The following SEC61B variants were observed in gnomAD, a reference collection of about 807,000 sequenced individuals.
SEC61B encodes the protein SEC61 translocon subunit beta.
In SEC61B, 7 loss-of-function variants were observed where a neutral mutation model predicts 12.6. The ratio of observed to expected loss-of-function variants is 0.55; its 90% CI spans 0.32 to 1.04. SEC61B has a LOEUF of 1.04. Among genes scored for constraint, SEC61B ranks in the 50% least tolerant of loss-of-function variants. The pLI is 0.05. For synonymous variants in SEC61B, 54 were observed against 50.1 expected (o/e 1.08, Z -0.33); for missense variants, 107 against 130.1 (o/e 0.82, Z 0.86).
intron 1 of SEC61B, 55 bp from the exon 2 acceptor site, chr9:99,222,491 G>C: frequency 6.9e-6 from 11 of 1,604,028 alleles, no homozygotes; most frequent in Non-Finnish European, 1.7e-6. Context: ...CTAGGCCGGG[G>C]TTCTGGGGCA....
intron 2 of SEC61B, 183 bp downstream of exon 2, chr9:99,222,826 C>T (rs937553071): frequency 1.9e-6 from 1 of 522,668 alleles, no homozygotes; most frequent in African/African-American, 2.0e-5. Context: ...TCTCGTTGCT[C>T]AGTTTAGGGC....
chr9:99,223,652 A>G (rs1018560285), intron 2 of SEC61B, among the ~76,000 whole-genome samples: 16 of 152,292 alleles, frequency 1.1e-4, no homozygotes, highest in African/African-American at 3.4e-4. Context: ...TCTGCCTCCA[A>G]AAGTGCTGGA....
intron 2 of SEC61B, among the ~76,000 whole-genome samples, chr9:99,223,837 G>A (rs1051549910): frequency 2.0e-5 from 3 of 152,074 alleles, no homozygotes; most frequent in East Asian, 3.8e-4. Flanking sequence ...TCCTCTTGAG[G>A]CCTTCTCTGT....
chr9:99,226,879 T>C lies in SEC61B; in HGVS notation c.102-1020T>C, dbSNP rs566553880. On this transcript the variant is annotated intron_variant, in intron 2 of 3. Coordinates refer to ENST00000223641, the MANE Select transcript of SEC61B (RefSeq NM_006808.3). Reference sequence around the variant, plus strand: ...GTGTATCTTACAAGCCTTGATCCCCTTGTGAGAGACACAAGGGGTGTTTTG... The same window carrying C: ...GTGTATCTTACAAGCCTTGATCCCCCTGTGAGAGACACAAGGGGTGTTTTG... 2.7e-4 allele frequency among the ~76,000 whole-genome samples: 41 copies of C among 152,280 alleles called. No individual in the cohort carries two copies. In the South Asian group the frequency reaches 8.5e-3, roughly 32 times the overall value.
intron 2 of SEC61B, among the ~76,000 whole-genome samples, chr9:99,224,945 C>G (rs1828877790): frequency 6.6e-6 from 1 of 152,144 alleles, no homozygotes; most frequent in Non-Finnish European, 1.5e-5. Context: ...TAAATTTAAG[C>G]TCAGGCCAGA....
intron 1 of SEC61B, 69 bp from the exon 2 acceptor site, chr9:99,222,477 G>C: frequency 6.2e-7 from 1 of 1,602,874 alleles, no homozygotes. Flanking sequence ...TCGGGTGTGG[G>C]TGTCTAGGCC....
chr9:99,222,488 G>T, intron 1 of SEC61B, 58 bp from the exon 2 acceptor site: 1 of 1,602,346 alleles, frequency 6.2e-7, no homozygotes, highest in Non-Finnish European at 8.5e-7. Context: ...TGTCTAGGCC[G>T]GGGTTCTGGG....
chr9:99,226,846 A>G (rs1006253436), intron 2 of SEC61B, among the ~76,000 whole-genome samples: 2 of 152,146 alleles, frequency 1.3e-5, no homozygotes, highest in African/African-American at 4.8e-5. Flanking sequence ...GGCTGCGTGT[A>G]TTACATAGTG....
chr9:99,222,580 C>T lies in SEC61B; in HGVS notation c.38C>T (p.Ser13Phe), dbSNP rs1420147925. 3.2e-6 allele frequency: 5 copies of T among 1,563,856 alleles called. No individual in the cohort carries two copies. Among genetic ancestry groups the T allele is most frequent in the African/African-American group, 1.4e-5 (1 of 73,552 alleles). The part of the protein sequence containing the change: ...GPTPSGTNVG[S>F]SGRSPSKAVA... The stretch of plus-strand genomic sequence containing the variant: ...ACCCCCAGTGGCACTAACGTGGGAT[C>T]CTCAGGGCGCTCTCCCAGCAAAGCA... Residue 13 changes from serine to phenylalanine, a missense_variant, in exon 2 of 4, where the codon TCC becomes TTC. By Grantham distance (155) the Ser-to-Phe change is radical (BLOSUM62 -2). Coordinates refer to ENST00000223641, the MANE Select transcript of SEC61B (RefSeq NM_006808.3).
At chr9:99,226,480 A>T (rs1828897306) in intron 2 of SEC61B, among the ~76,000 whole-genome samples, 1 of 152,182 alleles carries the variant, frequency 6.6e-6, no homozygotes, top group Admixed American at 6.5e-5. Context: ...ATCAGCCCAC[A>T]GATACTGGAA....
rs1828842486 is a variant in SEC61B at position 99,222,628 on chromosome 9, C to T, written c.86C>T (p.Ser29Phe). ...GCAGTGGCCGCCCGGGCGGCGGGAT[C>T]CACTGTCCGGCAGAGGTAAGGAACC... ...SKAVAARAAG[S>F]TVRQRKNASC... The change falls in exon 2 of 4, where the codon TCC becomes TTC. Residue 29 changes from serine to phenylalanine, a missense_variant. Physicochemically the swap from Ser to Phe is radical, Grantham distance 155 (BLOSUM62 -2). Coordinates refer to ENST00000223641, the MANE Select transcript of SEC61B (RefSeq NM_006808.3). 1.9e-6 allele frequency: 3 copies of T among 1,547,796 alleles called. No individual in the cohort carries two copies. Among genetic ancestry groups the T allele is most frequent in the South Asian group, 2.4e-5 (2 of 83,990 alleles).
rs180968909 is a variant in SEC61B, at chr9:99,224,584, T to C, written c.101+1941T>C. Among the ~76,000 whole-genome samples the C allele has an allele frequency of 3.3e-5, 5 of 152,254 alleles. No individual in the cohort carries two copies. In the East Asian group the frequency reaches 9.6e-4, roughly 29 times the overall value. On this transcript the variant is annotated intron_variant, in intron 2 of 3. Coordinates refer to ENST00000223641, the MANE Select transcript of SEC61B (RefSeq NM_006808.3). ...AAAAATGAAATAACTGATGCACAAGTGAAATGGAGAACTGAAACATTTGAA... is the reference window on the plus strand; with the variant it reads ...AAAAATGAAATAACTGATGCACAAGCGAAATGGAGAACTGAAACATTTGAA...
chr9:99,222,407 C>T (rs1828836474), intron 1 of SEC61B, 41 bp downstream of exon 1: 1 of 1,613,860 alleles, frequency 6.2e-7, no homozygotes, highest in Non-Finnish European at 8.5e-7. Context: ...TCCCAGAAGC[C>T]CTGACTCCTC....
In SEC61B at chr9:99,227,913, G is replaced by C; in HGVS notation, c.116G>C (p.Cys39Ser). ...CTCTCTTTCAGGAAAAATGCCAGCT[G>C]TGGGACAAGGAGTGCAGGCCGCACA... ...STVRQRKNAS[C>S]GTRSAGRTTS... The change falls in exon 3 of 4, where the codon TGT becomes TCT. Residue 39 changes from cysteine (C) to serine (S), a missense_variant. Cys to Ser is a moderately radical substitution (Grantham distance 112, BLOSUM62 -1). Coordinates refer to ENST00000223641, the MANE Select transcript of SEC61B (RefSeq NM_006808.3). 6.2e-7 allele frequency: 1 copy of C among 1,613,976 alleles called. No individual in the cohort carries two copies. Among genetic ancestry groups the C allele is most frequent in the Non-Finnish European group, 8.5e-7 (1 of 1,179,962 alleles).
intron 2 of SEC61B, among the ~76,000 whole-genome samples, chr9:99,224,801 A>G (rs1828876960): frequency 6.6e-6 from 1 of 152,212 alleles, no homozygotes; most frequent in South Asian, 2.1e-4. Flanking sequence ...GTTTAAGAAT[A>G]TCTTTGCTTT....
intron 2 of SEC61B, among the ~76,000 whole-genome samples, chr9:99,224,267 A>G (rs1328617169): frequency 6.6e-6 from 1 of 152,224 alleles, no homozygotes; most frequent in Admixed American, 6.5e-5. Flanking sequence ...ATTATCCTGA[A>G]TGATTTTGAG....
Position 99,230,598 on chromosome 9 carries a change from C to T in SEC61B, c.*174C>T. 1.8e-6 allele frequency: 1 copy of T among 546,970 alleles called. No homozygotes were observed. The highest frequency in any genetic ancestry group is 3.2e-6 in the Non-Finnish European group (1 of 311,728). The allele number at this position is 546,970 out of a possible 1,614,324, so 33.9% of individuals were successfully genotyped here. ...TCAGTTTTTTTCTATGGCTAATAAACTTTTTAATTCACTTATACTGAGTCT... is the reference window on the plus strand; with the variant it reads ...TCAGTTTTTTTCTATGGCTAATAAATTTTTTAATTCACTTATACTGAGTCT... On this transcript the variant is annotated 3_prime_UTR_variant, in exon 4 of 4. Transcript: ENST00000223641.
chr9:99,224,873 G>A (rs1265712472), intron 2 of SEC61B, among the ~76,000 whole-genome samples: 1 of 152,240 alleles, frequency 6.6e-6, no homozygotes, highest in Non-Finnish European at 1.5e-5. Flanking sequence ...TATGTTGTCT[G>A]TAGAGCTGCC....
At position 99,230,456 on chromosome 9, in the gene SEC61B, G is replaced by A. The variant is rs1234350241; in HGVS notation, c.*32G>A. 4 of 1,461,424 alleles carry A rather than the reference G, an allele frequency of 2.7e-6. No homozygotes were observed. Among genetic ancestry groups the A allele is most frequent in the Admixed American group, 1.8e-5 (1 of 56,908 alleles). The allele number at this position is 1,461,424 out of a possible 1,614,324, so 90.5% of individuals were successfully genotyped here. ...TTACATCCATCTGTCATCTGAAGAA[G>A]GAGGAAAAAACCCAACATTTCTTGG... On this transcript the variant is annotated 3_prime_UTR_variant, in exon 4 of 4. Transcript: ENST00000223641.
Sources: gnomAD v4.1 joint callset for allele counts (sites outside exome capture counted in the v4.1 genomes callset) on GRCh38, gnomAD v4.1.1 for gene constraint, MANE v1.5 for transcripts, NCBI Gene and HGNC (gene_info 2026-07-23, HGNC 2026-07-21) for gene names.